The following BAIAP2 variants were observed in gnomAD, a reference collection of about 807,000 sequenced individuals.
BAIAP2 encodes BAR/IMD domain-containing adapter protein 2.
Under a neutral mutation model 63.0 loss-of-function variants are expected in BAIAP2, and 18 were observed. The observed-to-expected ratio is 0.29, with a 90% CI of 0.20 to 0.42. BAIAP2 has a LOEUF of 0.42. Among genes scored for constraint, BAIAP2 ranks in the 10% least tolerant of loss-of-function variants. The pLI, the probability that BAIAP2 is intolerant of heterozygous loss-of-function variation, is 1.00. For missense variants in BAIAP2, 610 were observed against 734.3 expected (o/e 0.83, Z 1.96); for synonymous variants, 386 against 307.6 (o/e 1.25, Z -2.67).
intron 1 of BAIAP2, among the ~76,000 whole-genome samples, chr17:81,049,014 C>T (rs549276071): frequency 6.6e-6 from 1 of 152,236 alleles, no homozygotes; most frequent in East Asian, 1.9e-4. Context: ...AGGACCCCCC[C>T]TGGGGTGGGA....
Position 81,104,034 on chromosome 17 carries a change from G to A in BAIAP2, c.992G>A (p.Ser331Asn), listed in dbSNP as rs142524547. The A allele has an allele frequency of 5.5e-5, 88 of 1,613,174 alleles. No individual in the cohort carries two copies. The highest frequency in any genetic ancestry group is 6.8e-5 in the Non-Finnish European group (80 of 1,180,014). ...TCCCTGTCTCCTCCGCAGTCTCAGA[G>A]CAAGCTCAGCGACTCCTACTCCAAC... ...PKSLSPPQSQ[S>N]KLSDSYSNTL... Residue 331 changes from serine to asparagine, a missense_variant, in exon 9 of 14, where the codon AGC becomes AAC. Physicochemically the swap from Ser to Asn is conservative, Grantham distance 46. This residue lies in a region of BAIAP2 where 389 missense variants were observed against 455.6 expected (regional missense o/e 0.85). Transcript: ENST00000428708.
intron 1 of BAIAP2, among the ~76,000 whole-genome samples, chr17:81,044,622 G>A (rs2047543595): frequency 6.6e-6 from 1 of 152,212 alleles, no homozygotes; most frequent in Non-Finnish European, 1.5e-5. Flanking sequence ...GACACCCAGC[G>A]GACCCCACCC....
At chr17:81,048,140 T>C (rs1412501715) in intron 1 of BAIAP2, among the ~76,000 whole-genome samples, 1 of 152,132 alleles carries the variant, frequency 6.6e-6, no homozygotes, top group Non-Finnish European at 1.5e-5. Context: ...ATCCCAGCAC[T>C]TTGGGAGGCT....
At chr17:81,041,656 C>T (rs959350637) in intron 1 of BAIAP2, among the ~76,000 whole-genome samples, 1 of 152,050 alleles carries the variant, frequency 6.6e-6, no homozygotes, top group East Asian at 1.9e-4. Context: ...CTCACTGCAA[C>T]CTCCGCCTCC....
In BAIAP2 at chr17:81,103,589, A is replaced by C. The variant is rs751267807; in HGVS notation, c.730A>C (p.Met244Leu). 1 of 1,604,730 alleles carries C rather than the reference A, an allele frequency of 6.2e-7. No individual in the cohort carries two copies. The highest frequency in any genetic ancestry group is 8.5e-7 in the Non-Finnish European group (1 of 1,179,328). Residue 244 changes from methionine to leucine, a missense_variant, in exon 8 of 14, where the codon ATG becomes CTG. Physicochemically the swap from Met to Leu is conservative, Grantham distance 15. Transcript: ENST00000428708. ...SKIPERAVQL[M>L]QQVASNGATL... is the part of the protein sequence containing the mutation. ...GATCCCGGAGCGCGCGGTGCAGCTC[A>C]TGCAGCAGGTGGCCAGCAACGGCGC... is the stretch of plus-strand genomic sequence containing the variant.
At chr17:81,057,378 T>C (rs998152772) in intron 2 of BAIAP2, 2 of 152,764 alleles carry the variant, frequency 1.3e-5, no homozygotes, top group African/African-American at 2.4e-5. Context: ...TACCAAGTAA[T>C]GCCTTTAGCC....
chr17:81,084,952 G>A (rs960043853), intron 4 of BAIAP2, 59 bp downstream of exon 4: 14 of 1,552,404 alleles, frequency 9.0e-6, no homozygotes, highest in Admixed American at 1.7e-5. Flanking sequence ...GAGAGCTGGC[G>A]CCACACCTTG....
At position 81,106,852 on chromosome 17, in the gene BAIAP2, C is replaced by T; in HGVS notation, c.1445C>T (p.Thr482Met). 4 of 1,608,020 alleles carry T rather than the reference C, an allele frequency of 2.5e-6. No individual in the cohort carries two copies. Among genetic ancestry groups the T allele is most frequent in the Admixed American group, 1.7e-5 (1 of 59,612 alleles). Residue 482 changes from threonine to methionine, a missense_variant, in exon 12 of 14, where the codon ACG becomes ATG. Transcript: ENST00000428708. ...GCCTCCCGGGCCTTCCCCGCCCAGACGGCCAGCGGCTTCAAGCAGAGGCCC... is the reference window on the plus strand; with the variant it reads ...GCCTCCCGGGCCTTCCCCGCCCAGATGGCCAGCGGCTTCAAGCAGAGGCCC... Reference protein sequence around the residue: ...GAASRAFPAQTASGFKQRPYS... With the variant: ...GAASRAFPAQMASGFKQRPYS...
chr17:81,096,918 C>T (rs1204880635), intron 6 of BAIAP2, among the ~76,000 whole-genome samples: 1 of 152,124 alleles, frequency 6.6e-6, no homozygotes, highest in Admixed American at 6.5e-5. Flanking sequence ...ACTTCGCGCT[C>T]CAGCTGTGGA....
chr17:81,076,236 A>G lies in BAIAP2; in HGVS notation c.218-8596A>G, dbSNP rs2053642547. 2.6e-5 allele frequency: 4 copies of G among 152,218 alleles called. No homozygotes were observed. The South Asian group carries it at 6.2e-4, about 24-fold the overall frequency. The allele number at this position is 152,218 out of a possible 1,614,324, so 9.4% of individuals were successfully genotyped here. On this transcript the variant is annotated intron_variant, in intron 3 of 13. Transcript: ENST00000428708. ...AGCTTAACCATCTGCAGCTTAACTC[A>G]TTCTTGCTTTATCTTCCCTGTGGAC...
chr17:81,109,643 G>T (rs1273296432), intron 13 of BAIAP2: 3 of 985,264 alleles, frequency 3.0e-6, no homozygotes, highest in African/African-American at 1.7e-5. Context: ...GGGAGGCCGG[G>T]CCCGGGCACC....
chr17:81,054,445 C>T (rs533057004), intron 2 of BAIAP2, among the ~76,000 whole-genome samples: 6 of 152,268 alleles, frequency 3.9e-5, no homozygotes, highest in East Asian at 1.9e-4. Flanking sequence ...AGCTGGACAG[C>T]GGCTCTGAGT....
Position 81,106,919 on chromosome 17 carries a change from G to A in BAIAP2, c.1500+12G>A, listed in dbSNP as rs1453005418. 1 of 1,502,286 alleles carries A rather than the reference G, an allele frequency of 6.7e-7. No individual in the cohort carries two copies. Among genetic ancestry groups the A allele is most frequent in the Non-Finnish European group, 8.9e-7 (1 of 1,123,482 alleles). 93.1% of individuals were successfully genotyped at this position (1,502,286 alleles called of 1,614,324 possible). On this transcript the variant is annotated intron_variant, in intron 12 of 13. Coordinates refer to ENST00000428708, the MANE Select transcript of BAIAP2 (RefSeq NM_001144888.2). ...CCGCCTTCTCCCAGGTCAGTGGGCG[G>A]GGCCGGGGCTGGGAGGGGCCCGCAG...
intron 3 of BAIAP2, among the ~76,000 whole-genome samples, chr17:81,063,421 T>G (rs2050928152): frequency 6.6e-6 from 1 of 152,256 alleles, no homozygotes; most frequent in Non-Finnish European, 1.5e-5. Flanking sequence ...TTCTCTGTCC[T>G]CCTCGGTGAG....
intron 13 of BAIAP2, chr17:81,108,836 C>T: frequency 6.5e-6 from 9 of 1,381,818 alleles, no homozygotes; most frequent in Admixed American, 5.1e-5. Context: ...CGCCCTTGTC[C>T]TGGGTCTTCC....
At chr17:81,086,315 A>G (rs1177677692) in intron 5 of BAIAP2, 128 bp from the exon 6 acceptor site, 4 of 1,144,070 alleles carry the variant, frequency 3.5e-6, no homozygotes, top group Non-Finnish European at 3.8e-6. Context: ...GCGAGCCAGG[A>G]AGGGAGTGGC....
chr17:81,109,104 T>TTC (rs1568192192), intron 13 of BAIAP2: 1 of 1,474,942 alleles, frequency 6.8e-7, no homozygotes. Context: ...TGGGTTGTTT[T>TTC]TCTTTTCCAC....
intron 3 of BAIAP2, among the ~76,000 whole-genome samples, chr17:81,069,888 C>T (rs1343912169): frequency 2.0e-5 from 3 of 152,206 alleles, no homozygotes; most frequent in Admixed American, 6.5e-5. Context: ...TGACCAGGGT[C>T]TTTGGAGATG....
chr17:81,038,005 C>T lies in BAIAP2; in HGVS notation c.54+2697C>T, dbSNP rs564060641. On this transcript the variant is annotated intron_variant, in intron 1 of 13. Transcript: ENST00000428708. The stretch of plus-strand genomic sequence containing the variant: ...GATGAAGGGGAGGGGAGTGGAACGG[C>T]TTCCCGGTGTTTGCCGAGAACATAA... Among the ~76,000 whole-genome samples the T allele has an allele frequency of 2.1e-3, 316 of 152,376 alleles. 1 individual carries two copies. The highest frequency in any genetic ancestry group is 5.6e-3 in the Admixed American group (85 of 15,314).
Sources: gnomAD v4.1 joint callset for allele counts (sites outside exome capture counted in the v4.1 genomes callset) on GRCh38, gnomAD v4.1.1 for gene constraint, gnomAD v4.1.1 regional missense constraint, MANE v1.5 for transcripts, NCBI Gene and HGNC (gene_info 2026-07-23, HGNC 2026-07-21) for gene names.